CCBE1: variants seen among roughly 807,000 people sequenced by gnomAD.
CCBE1 encodes the protein collagen and calcium binding EGF domains 1.
Under a neutral mutation model 50.0 loss-of-function variants are expected in CCBE1, and 37 were observed. The ratio of observed to expected loss-of-function variants is 0.74; its 90% CI spans 0.57 to 0.97. The LOEUF (loss-of-function observed/expected upper bound fraction) is 0.97, where lower values mean the gene tolerates loss of function less well. Among genes scored for constraint, CCBE1 ranks in the 50% least tolerant of loss-of-function variants. The pLI is 0.00. For synonymous variants in CCBE1, 234 were observed against 203.7 expected, an observed-to-expected ratio of 1.15 and a Z score of -1.27; for missense variants, 538 against 523.8, an observed-to-expected ratio of 1.03 and a Z score of -0.26.
chr18:59,561,615 G>A (rs1167958623), intron 2 of CCBE1, among the ~76,000 whole-genome samples: 2 of 152,172 alleles, frequency 1.3e-5, no homozygotes, highest in African/African-American at 4.8e-5. Flanking sequence ...GGTGCTCTTG[G>A]GCTCTTGGGG....
intron 7 of CCBE1, among the ~76,000 whole-genome samples, chr18:59,444,791 C>T (rs1248435694): frequency 6.6e-6 from 1 of 152,110 alleles, no homozygotes; most frequent in Non-Finnish European, 1.5e-5. Context: ...GTTTGCAATG[C>T]TCTAATGATC....
chr18:59,547,257 G>A (rs948668891), intron 2 of CCBE1, among the ~76,000 whole-genome samples: 1 of 151,982 alleles, frequency 6.6e-6, no homozygotes, highest in Non-Finnish European at 1.5e-5. Context: ...GTGAGGGGAG[G>A]GTTATCTGAG....
intron 2 of CCBE1, among the ~76,000 whole-genome samples, chr18:59,523,894 A>G (rs1359728087): frequency 6.6e-6 from 1 of 152,222 alleles, no homozygotes; most frequent in Non-Finnish European, 1.5e-5. Context: ...ATAAGCCCTA[A>G]GATATTTGTA....
chr18:59,502,256 G>A (rs1020572186), intron 2 of CCBE1, among the ~76,000 whole-genome samples: 11 of 152,204 alleles, frequency 7.2e-5, no homozygotes, highest in Non-Finnish European at 7.3e-5. Flanking sequence ...CCTGCACAAT[G>A]TCAGGGCTCA....
chr18:59,584,023 T>C (rs2053136435), intron 2 of CCBE1, among the ~76,000 whole-genome samples: 1 of 152,028 alleles, frequency 6.6e-6, no homozygotes, highest in Non-Finnish European at 1.5e-5. Context: ...GGACTATAAA[T>C]CATGCTGCTA....
At chr18:59,602,990 T>C (rs140799984) in intron 2 of CCBE1, among the ~76,000 whole-genome samples, 219 of 152,142 alleles carry the variant, frequency 1.4e-3, no homozygotes, top group Non-Finnish European at 2.5e-3. Flanking sequence ...AATACCAACC[T>C]CCGAGGGCTG....
At chr18:59,597,356 G>A (rs2053366988) in intron 2 of CCBE1, among the ~76,000 whole-genome samples, 1 of 152,214 alleles carries the variant, frequency 6.6e-6, no homozygotes, top group South Asian at 2.1e-4. Context: ...GTCAGGAAAG[G>A]AACAAAATGG....
chr18:59,439,435 C>G, intron 9 of CCBE1, 108 bp downstream of exon 9: 1 of 1,380,806 alleles, frequency 7.2e-7, no homozygotes. Context: ...CCATTGCACT[C>G]CAGCCTGGGT....
At chr18:59,691,625 C>T (rs2054734722) in intron 2 of CCBE1, among the ~76,000 whole-genome samples, 1 of 152,150 alleles carries the variant, frequency 6.6e-6, no homozygotes, top group South Asian at 2.1e-4. Flanking sequence ...AGGCTGGTCT[C>T]AAACTCCTGA....
chr18:59,514,934 G>A (rs1262848537), intron 2 of CCBE1, among the ~76,000 whole-genome samples: 2 of 152,080 alleles, frequency 1.3e-5, no homozygotes, highest in African/African-American at 2.4e-5. Context: ...ATAACCCAAG[G>A]GGCCAGGTTC....
intron 2 of CCBE1, among the ~76,000 whole-genome samples, chr18:59,587,751 C>A (rs564981415): frequency 3.9e-5 from 6 of 152,250 alleles, no homozygotes; most frequent in Admixed American, 3.3e-4. Context: ...TAAAATTTAT[C>A]TTAATCACAG....
chr18:59,537,772 C>A (rs930114433), intron 2 of CCBE1, among the ~76,000 whole-genome samples: 1 of 152,176 alleles, frequency 6.6e-6, no homozygotes, highest in Non-Finnish European at 1.5e-5. Flanking sequence ...ACACATTTTT[C>A]CATCTCATTC....
chr18:59,495,410 T>TTTCC (rs149062893), intron 2 of CCBE1, among the ~76,000 whole-genome samples: 1 of 144,946 alleles, frequency 6.9e-6, no homozygotes, highest in African/African-American at 2.6e-5. Context: ...TTTTTTTTTT[T>TTTCC]CCAGAGCGGG....
At chr18:59,641,179 T>C (rs2053983949) in intron 2 of CCBE1, among the ~76,000 whole-genome samples, 1 of 152,126 alleles carries the variant, frequency 6.6e-6, no homozygotes, top group African/African-American at 2.4e-5. Context: ...ATTACAGTAC[T>C]AGTCACAATA....
chr18:59,636,068 G>C (rs1004823199), intron 2 of CCBE1, among the ~76,000 whole-genome samples: 5 of 151,936 alleles, frequency 3.3e-5, no homozygotes, highest in African/African-American at 1.2e-4. Context: ...GAGGAGAATC[G>C]TTTGAGCCCA....
At chr18:59,643,506 A>C (rs12953838) in intron 2 of CCBE1, among the ~76,000 whole-genome samples, 7 of 151,972 alleles carry the variant, frequency 4.6e-5, no homozygotes, top group African/African-American at 1.7e-4. Context: ...TTTAAGTTGA[A>C]CAAGTTTCTA....
intron 2 of CCBE1, among the ~76,000 whole-genome samples, chr18:59,535,085 G>A (rs892302188): frequency 6.6e-6 from 1 of 152,192 alleles, no homozygotes; most frequent in African/African-American, 2.4e-5. Flanking sequence ...AGAAAGACTT[G>A]TGAAAACTGC....
At chr18:59,630,464 T>C (rs1472203407) in intron 2 of CCBE1, among the ~76,000 whole-genome samples, 4 of 152,224 alleles carry the variant, frequency 2.6e-5, no homozygotes, top group African/African-American at 9.6e-5. Context: ...TCTTACACTT[T>C]TGTGGGTCAA....
chr18:59,543,762 G>C (rs573993845), intron 2 of CCBE1, among the ~76,000 whole-genome samples: 33 of 149,226 alleles, frequency 2.2e-4, no homozygotes, highest in Non-Finnish European at 3.4e-4. Context: ...GTGAACCCGG[G>C]AGGTGGAGCT....
Sources: allele counts gnomAD v4.1 joint callset (sites outside exome capture counted in the v4.1 genomes callset), GRCh38; gene constraint gnomAD v4.1.1; transcripts MANE v1.5; gene names NCBI Gene and HGNC (gene_info 2026-07-23, HGNC 2026-07-21).